Variants in TMEM242 observed in about 807,000 individuals in gnomAD.
The protein encoded by TMEM242 is UPF0463 transmembrane protein C6orf35.
In TMEM242, 10 loss-of-function variants were observed where a neutral mutation model predicts 18.2. The ratio of observed to expected loss-of-function variants is 0.55; its 90% CI spans 0.34 to 0.93. The LOEUF (loss-of-function observed/expected upper bound fraction) is 0.93. Among genes scored for constraint, TMEM242 ranks in the 40% least tolerant of loss-of-function variants. The pLI is 0.02. For missense variants in TMEM242, 186 were observed against 175.5 expected, an observed-to-expected ratio of 1.06 and a Z score of -0.34; for synonymous variants, 57 against 69.9, an observed-to-expected ratio of 0.81 and a Z score of 0.92.
chr6:157,313,152 A>ACCCGG (rs1778247967), intron 3 of TMEM242, among the ~76,000 whole-genome samples: 3 of 142,384 alleles, frequency 2.1e-5, no homozygotes, highest in Non-Finnish European at 4.6e-5. Flanking sequence ...GTGTGCGCTC[A>ACCCGG]CCTGGCCTCA....
chr6:157,310,622 A>AGTGTCCCAGTGTTCGCTCACCCG, intron 3 of TMEM242, among the ~76,000 whole-genome samples: 1 of 1,718 alleles, frequency 5.8e-4, no homozygotes, highest in African/African-American at 1.9e-3. Context: ...GCCCTCACCT[A>AGTGTCCCAGTGTTCGCTCACCCG]GCCTCATCAT....
At chr6:157,306,775 T>G (rs1777923354) in intron 3 of TMEM242, among the ~76,000 whole-genome samples, 1 of 151,960 alleles carries the variant, frequency 6.6e-6, no homozygotes, top group South Asian at 2.1e-4. Flanking sequence ...TCGAGAAAAC[T>G]CATAAAAAGA....
At chr6:157,299,312 C>T in intron 3 of TMEM242, 2 of 842,310 alleles carry the variant, frequency 2.4e-6, no homozygotes, top group Non-Finnish European at 4.2e-6. Context: ...CACTAGCAAT[C>T]ACTTGTGGAC....
At chr6:157,299,750 G>A (rs1777801657) in intron 3 of TMEM242, 5 of 1,600,892 alleles carry the variant, frequency 3.1e-6, no homozygotes, top group Admixed American at 1.7e-5. Flanking sequence ...GCTGGAGTTT[G>A]CTGTGACAAG....
At chr6:157,311,563 T>C (rs1327151833) in intron 3 of TMEM242, among the ~76,000 whole-genome samples, 1,055 of 8,662 alleles carry the variant, frequency 0.12, 5 homozygotes, top group Middle Eastern at 0.25. Flanking sequence ...TGCGCTCACC[T>C]AGCCTCAACA....
intron 3 of TMEM242, 57 bp downstream of exon 3, chr6:157,318,725 G>A: frequency 6.3e-7 from 1 of 1,598,544 alleles, no homozygotes; most frequent in South Asian, 1.1e-5. Context: ...GAAAAATTTA[G>A]AACACAGTAA....
intron 3 of TMEM242, chr6:157,299,101 G>A: frequency 1.9e-5 from 2 of 103,558 alleles, no homozygotes; most frequent in South Asian, 1.7e-4. Context: ...TCTTTCAGGG[G>A]GGCCTCCTCT....
At chr6:157,313,668 C>T (rs925102435) in intron 3 of TMEM242, among the ~76,000 whole-genome samples, 1 of 143,354 alleles carries the variant, frequency 7.0e-6, no homozygotes, top group Non-Finnish European at 1.5e-5. Flanking sequence ...TTCACCTAGC[C>T]CCATCATAGT....
At chr6:157,319,968 A>G (rs1554250617) in intron 2 of TMEM242, among the ~76,000 whole-genome samples, 2 of 152,226 alleles carry the variant, frequency 1.3e-5, no homozygotes, top group African/African-American at 4.8e-5. Flanking sequence ...CCCGCAGAAG[A>G]ACAGCCAGCA....
At position 157,322,714 on chromosome 6, in the gene TMEM242, C is replaced by G. The variant is rs1403865974; in HGVS notation, c.180G>C (p.Trp60Cys). The G allele has an allele frequency of 1.2e-6, 2 of 1,611,094 alleles. No individual in the cohort carries two copies. Among genetic ancestry groups the G allele is most frequent in the Non-Finnish European group, 8.5e-7 (1 of 1,178,710 alleles). Residue 60 changes from tryptophan to cysteine, a missense_variant, in exon 2 of 4, where the codon TGG (tryptophan) becomes TGC (cysteine). Coordinates refer to ENST00000400788, the MANE Select transcript of TMEM242 (RefSeq NM_018452.6). Reference sequence around the variant, plus strand: ...TTTCAGTGTCACCAACCTTATTGAACCATTCAGGGCTTTTCTTTTTAGCCA... The same window carrying G: ...TTTCAGTGTCACCAACCTTATTGAAGCATTCAGGGCTTTTCTTTTTAGCCA... ...LSLAKKKSPE[W>C]FNKGSMATAA...
chr6:157,295,470 T>G (rs1554247132), intron 3 of TMEM242, among the ~76,000 whole-genome samples: 1 of 152,200 alleles, frequency 6.6e-6, no homozygotes, highest in Non-Finnish European at 1.5e-5. Context: ...ATGACAATTT[T>G]CAAATGGGAT....
intron 3 of TMEM242, among the ~76,000 whole-genome samples, chr6:157,294,347 CTTTTT>C (rs587765277): frequency 8.7e-6 from 1 of 115,246 alleles, no homozygotes. Flanking sequence ...CAAGTCATTT[CTTTTT>C]TTTTTTTTTT....
intron 3 of TMEM242, among the ~76,000 whole-genome samples, chr6:157,294,223 C>T (rs1216249540): frequency 6.6e-6 from 1 of 152,164 alleles, no homozygotes; most frequent in Non-Finnish European, 1.5e-5. Flanking sequence ...TTCAGCAGCA[C>T]CACAGTACTG....
At chr6:157,310,521 G>A (rs983668079) in intron 3 of TMEM242, among the ~76,000 whole-genome samples, 2 of 146,734 alleles carry the variant, frequency 1.4e-5, no homozygotes, top group South Asian at 2.2e-4. Flanking sequence ...CACTCACCTG[G>A]CCTCATCATG....
At chr6:157,312,251 T>A (rs1778168283) in intron 3 of TMEM242, among the ~76,000 whole-genome samples, 7 of 137,380 alleles carry the variant, frequency 5.1e-5, no homozygotes, top group Non-Finnish European at 1.0e-4. Flanking sequence ...TCTAGCCTTA[T>A]CATAGTTTCC....
At position 157,323,277 on chromosome 6, in the gene TMEM242, G is replaced by A. The variant is rs1199637624; in HGVS notation, c.88+135C>T. ...TACCCTCCCTGGGCCGCCAGACTCC[G>A]CGGGCTAAACTCAGGGGCAAGCACA... On this transcript the variant is annotated intron_variant, in intron 1 of 3. Coordinates refer to ENST00000400788, the MANE Select transcript of TMEM242 (RefSeq NM_018452.6). 15 of 993,668 alleles carry A rather than the reference G, an allele frequency of 1.5e-5. No homozygotes were observed. In the South Asian group the frequency reaches 2.5e-4, roughly 16 times the overall value. The allele number at this position is 993,668 out of a possible 1,614,324, so 61.6% of individuals were successfully genotyped here. A position where few individuals can be genotyped will look rare whatever the true frequency, so the allele number is the denominator to read the frequency against.
chr6:157,318,519 G>A (rs975122087), intron 3 of TMEM242: 19 of 456,826 alleles, frequency 4.2e-5, no homozygotes, highest in African/African-American at 2.2e-4. Flanking sequence ...CACTGCACTC[G>A]CCCTAATGTC....
chr6:157,300,006 T>G (rs1460166459), intron 3 of TMEM242: 1 of 1,273,568 alleles, frequency 7.9e-7, no homozygotes, highest in African/African-American at 1.5e-5. Flanking sequence ...TTCACGGGGG[T>G]GAAGAGCCAG....
intron 3 of TMEM242, among the ~76,000 whole-genome samples, chr6:157,308,746 G>C (rs1554248099): frequency 6.6e-6 from 1 of 151,456 alleles, no homozygotes; most frequent in African/African-American, 2.4e-5. Context: ...CAGGAAGAAA[G>C]AGAGTTGGGG....
Sources: allele counts gnomAD v4.1 joint callset (sites outside exome capture counted in the v4.1 genomes callset), GRCh38; gene constraint gnomAD v4.1.1; transcripts MANE v1.5; gene names NCBI Gene and HGNC (gene_info 2026-07-23, HGNC 2026-07-21).